TBC1D22A: variants seen among roughly 807,000 people sequenced by gnomAD.
TBC1D22A encodes the protein putative GTPase activator.
A neutral mutation model predicts 60.2 loss-of-function variants in TBC1D22A; 38 were observed. The ratio of observed to expected loss-of-function variants is 0.63; its 90% CI spans 0.49 to 0.83. TBC1D22A has a LOEUF of 0.83. Among genes scored for constraint, TBC1D22A ranks in the 40% least tolerant of loss-of-function variants. TBC1D22A has a pLI of 0.00. For missense variants in TBC1D22A, 628 were observed against 701.0 expected (o/e 0.90, Z 1.18); for synonymous variants, 302 against 281.7 (o/e 1.07, Z -0.72).
At chr22:46,976,888 T>C (rs756537164) in intron 9 of TBC1D22A, among the ~76,000 whole-genome samples, 6 of 152,238 alleles carry the variant, frequency 3.9e-5, no homozygotes, top group Non-Finnish European at 7.3e-5. Context: ...AACTGTGTGC[T>C]GGGGGCTCTT....
At chr22:47,027,068 G>A (rs1484803864) in intron 10 of TBC1D22A, among the ~76,000 whole-genome samples, 2 of 152,232 alleles carry the variant, frequency 1.3e-5, no homozygotes, top group Non-Finnish European at 2.9e-5. Flanking sequence ...GATAAGAAAA[G>A]AGATCAGTGG....
chr22:47,103,409 C>G (rs1014836593), intron 11 of TBC1D22A, among the ~76,000 whole-genome samples: 1 of 152,164 alleles, frequency 6.6e-6, no homozygotes, highest in Non-Finnish European at 1.5e-5. Flanking sequence ...GGAACAAACC[C>G]AGGAGCATTC....
chr22:46,805,789 C>G (rs1446515221), intron 4 of TBC1D22A, among the ~76,000 whole-genome samples: 3 of 151,874 alleles, frequency 2.0e-5, no homozygotes, highest in Non-Finnish European at 4.4e-5. Context: ...CTCACCGCCC[C>G]CCCACACCCC....
At chr22:46,969,088 G>A (rs1352709424) in intron 8 of TBC1D22A, among the ~76,000 whole-genome samples, 5 of 151,694 alleles carry the variant, frequency 3.3e-5, no homozygotes, top group African/African-American at 7.3e-5. Flanking sequence ...ACCCCCAAAT[G>A]CCCTGAAAGT....
At chr22:46,899,312 T>TG (rs2068852997) in intron 7 of TBC1D22A, among the ~76,000 whole-genome samples, 1 of 151,672 alleles carries the variant, frequency 6.6e-6, no homozygotes, top group Non-Finnish European at 1.5e-5. Context: ...CCAGGCGTGG[T>TG]GGGGCGTACC....
intron 11 of TBC1D22A, among the ~76,000 whole-genome samples, chr22:47,039,605 T>G (rs2062769061): frequency 6.7e-6 from 1 of 149,682 alleles, no homozygotes; most frequent in South Asian, 2.1e-4. Context: ...GACAAAAGGC[T>G]TGGAAGAGGA....
At chr22:47,157,385 G>A (rs1475045698) in intron 12 of TBC1D22A, among the ~76,000 whole-genome samples, 1 of 152,198 alleles carries the variant, frequency 6.6e-6, no homozygotes, top group African/African-American at 2.4e-5. Flanking sequence ...CACCGCACAC[G>A]TTATCTCTCA....
intron 4 of TBC1D22A, among the ~76,000 whole-genome samples, chr22:46,799,349 T>C (rs896263940): frequency 1.3e-5 from 2 of 152,182 alleles, no homozygotes; most frequent in African/African-American, 4.8e-5. Flanking sequence ...TATATATACA[T>C]TTTTTTCCTG....
chr22:46,891,139 C>T (rs1014314641), intron 5 of TBC1D22A, 127 bp from the exon 6 acceptor site: 2 of 1,073,216 alleles, frequency 1.9e-6, no homozygotes, highest in Non-Finnish European at 2.5e-6. Context: ...AATTTGTGCT[C>T]CTCTCTGTGT....
At chr22:46,773,274 G>T (rs931539980) in intron 1 of TBC1D22A, among the ~76,000 whole-genome samples, 1 of 152,314 alleles carries the variant, frequency 6.6e-6, no homozygotes, top group African/African-American at 2.4e-5. Flanking sequence ...ATGTCACCGT[G>T]CTTGGCCCTG....
chr22:47,127,634 T>C (rs1412591046), intron 12 of TBC1D22A, among the ~76,000 whole-genome samples: 1 of 151,996 alleles, frequency 6.6e-6, no homozygotes, highest in African/African-American at 2.4e-5. Context: ...TCCACTGCCG[T>C]CGGGGAAGGC....
At chr22:46,925,648 A>G (rs1408536003) in intron 8 of TBC1D22A, among the ~76,000 whole-genome samples, 1 of 152,184 alleles carries the variant, frequency 6.6e-6, no homozygotes, top group Admixed American at 6.5e-5. Context: ...ATGCATGCAC[A>G]TTTCAATATT....
chr22:46,919,731 C>CTTTT lies in TBC1D22A; in HGVS notation c.1015+7554_1015+7557dup, dbSNP rs57252183. ...TCAACACTTGTCATCATCTTTCACT[C>CTTTT]TTTTTTTTTTTTTTGTAGACTTTAC... is the stretch of plus-strand genomic sequence containing the variant. On this transcript the variant is annotated intron_variant, in intron 8 of 12. Coordinates refer to ENST00000337137, the MANE Select transcript of TBC1D22A (RefSeq NM_014346.5). Among the ~76,000 whole-genome samples the CTTTT allele has an allele frequency of 1.3e-3, 180 of 136,850 alleles. 15 individuals are homozygous for CTTTT. Among genetic ancestry groups the CTTTT allele is most frequent in the Middle Eastern group, 7.5e-3 (2 of 268 alleles). The allele number at this position is 136,850 out of a possible 152,430, so 89.8% of individuals were successfully genotyped here. A position where few individuals can be genotyped will look rare whatever the true frequency, so the allele number is the denominator to read the frequency against.
chr22:46,819,785 T>C (rs1273553818), intron 4 of TBC1D22A, among the ~76,000 whole-genome samples: 1 of 152,346 alleles, frequency 6.6e-6, no homozygotes, highest in South Asian at 2.1e-4. Context: ...TCTTTTTCAA[T>C]TGTTTGGAAT....
intron 8 of TBC1D22A, chr22:46,915,888 T>C (rs1429983269): frequency 2.2e-6 from 1 of 451,030 alleles, no homozygotes; most frequent in Admixed American, 2.4e-5. Context: ...TCGTTCTGGC[T>C]GTCAGTGGGA....
At chr22:47,035,008 G>C (rs984600970) in intron 10 of TBC1D22A, among the ~76,000 whole-genome samples, 1 of 152,060 alleles carries the variant, frequency 6.6e-6, no homozygotes, top group Non-Finnish European at 1.5e-5. Flanking sequence ...CACCTCTGAA[G>C]CTCTCCTGGG....
intron 11 of TBC1D22A, among the ~76,000 whole-genome samples, chr22:47,098,587 G>T (rs567027703): frequency 1.3e-5 from 2 of 152,202 alleles, no homozygotes; most frequent in South Asian, 2.1e-4. Context: ...GGTTGCCCTG[G>T]GGAAGGGCCA....
intron 12 of TBC1D22A, among the ~76,000 whole-genome samples, chr22:47,122,375 G>T (rs1320644598): frequency 1.3e-5 from 2 of 152,184 alleles, no homozygotes; most frequent in Non-Finnish European, 2.9e-5. Context: ...TCTTTCCAGG[G>T]TCCTCAGTGT....
At chr22:47,128,039 CTCT>C in intron 12 of TBC1D22A, among the ~76,000 whole-genome samples, 1 of 83,470 alleles carries the variant, frequency 1.2e-5, no homozygotes, top group Admixed American at 1.1e-4. Context: ...CCCACCCATC[CTCT>C]CCTCCGCCCA....
Sources: allele counts gnomAD v4.1 joint callset (sites outside exome capture counted in the v4.1 genomes callset), GRCh38; gene constraint gnomAD v4.1.1; transcripts MANE v1.5; gene names NCBI Gene and HGNC (gene_info 2026-07-23, HGNC 2026-07-21).